RCAN2: variants seen among roughly 807,000 people sequenced by gnomAD.
RCAN2 encodes regulator of calcineurin 2, also known as calcipressin-2.
A neutral mutation model predicts 23.6 loss-of-function variants in RCAN2; 9 were observed. That is an observed-to-expected ratio of 0.38 (90% CI 0.23 to 0.67). RCAN2 has a LOEUF of 0.67. RCAN2 is among the 30% of genes least tolerant of loss of function. The probability of loss-of-function intolerance (pLI) is 0.51; values close to 1 mark genes in which losing one functional copy is unlikely to be tolerated. For missense variants in RCAN2, 273 were observed against 302.3 expected (o/e 0.90, Z 0.72); for synonymous variants, 109 against 115.7 (o/e 0.94, Z 0.37).
intron 2 of RCAN2, among the ~76,000 whole-genome samples, chr6:46,254,322 G>A (rs1290379101): frequency 6.6e-6 from 1 of 152,182 alleles, no homozygotes; most frequent in African/African-American, 2.4e-5. Flanking sequence ...AGGAGGTCTA[G>A]TGAGACCCTT....
chr6:46,235,496 C>T (rs896300174), intron 4 of RCAN2, among the ~76,000 whole-genome samples: 1 of 152,206 alleles, frequency 6.6e-6, no homozygotes, highest in Non-Finnish European at 1.5e-5. Context: ...GGCCTGATCT[C>T]ACACATGCAT....
intron 4 of RCAN2, among the ~76,000 whole-genome samples, chr6:46,231,702 G>A (rs547067268): frequency 1.6e-4 from 24 of 152,224 alleles, no homozygotes; most frequent in South Asian, 6.2e-4. Flanking sequence ...GAGCCACCAC[G>A]CCCGGAGGTT....
chr6:46,241,035 C>CA (rs888127456), intron 4 of RCAN2, among the ~76,000 whole-genome samples: 1 of 152,178 alleles, frequency 6.6e-6, no homozygotes, highest in African/African-American at 2.4e-5. Flanking sequence ...TCGCTCCCTG[C>CA]AGGCATTTTC....
intron 2 of RCAN2, among the ~76,000 whole-genome samples, chr6:46,436,365 A>G (rs1352834012): frequency 1.3e-5 from 2 of 152,122 alleles, no homozygotes; most frequent in Non-Finnish European, 2.9e-5. Flanking sequence ...GGCGCGTGCC[A>G]GCATGCCCGG....
intron 2 of RCAN2, among the ~76,000 whole-genome samples, chr6:46,330,794 G>C (rs1561862026): frequency 2.0e-5 from 3 of 152,116 alleles, no homozygotes; most frequent in Non-Finnish European, 4.4e-5. Context: ...ATGAAGCCAT[G>C]TTATTTGTCT....
At position 46,220,842 on chromosome 6, in the gene RCAN2, A is replaced by G. The variant is rs1765453450; in HGVS notation, c.*2299T>C. 2 of 152,680 alleles carry G rather than the reference A, an allele frequency of 1.3e-5. No homozygotes were observed. The highest frequency in any genetic ancestry group is 1.3e-4 in the Admixed American group (2 of 15,280). 9.5% of individuals were successfully genotyped at this position (152,680 alleles called of 1,614,324 possible). A position where few individuals can be genotyped will look rare whatever the true frequency, so the allele number is the denominator to read the frequency against. On this transcript the variant is annotated 3_prime_UTR_variant, in exon 5 of 5. Coordinates refer to ENST00000371374, the MANE Select transcript of RCAN2 (RefSeq NM_001251974.2). ...CTTCCCCTTCATTGTTAAAGTTTTC[A>G]AACTTAAAATAGTGCTAAAGAGATT...
At chr6:46,236,541 A>T (rs1347964991) in intron 4 of RCAN2, among the ~76,000 whole-genome samples, 7 of 152,108 alleles carry the variant, frequency 4.6e-5, no homozygotes, top group Admixed American at 3.9e-4. Flanking sequence ...GTTATATTCC[A>T]AACCACTGAA....
intron 4 of RCAN2, among the ~76,000 whole-genome samples, chr6:46,224,833 C>A (rs1440158763): frequency 6.6e-6 from 1 of 151,796 alleles, no homozygotes; most frequent in African/African-American, 2.4e-5. Context: ...TACATGTGCA[C>A]AATGTGCAGG....
At chr6:46,432,290 C>A (rs922419453) in intron 2 of RCAN2, among the ~76,000 whole-genome samples, 4 of 151,942 alleles carry the variant, frequency 2.6e-5, no homozygotes, top group Non-Finnish European at 1.5e-5. Flanking sequence ...CTCGGCTCAC[C>A]ACAACCTCTG....
At chr6:46,356,844 A>T (rs1764846549) in intron 2 of RCAN2, among the ~76,000 whole-genome samples, 1 of 152,218 alleles carries the variant, frequency 6.6e-6, no homozygotes, top group Non-Finnish European at 1.5e-5. Flanking sequence ...TCAGATGAAC[A>T]TTATATTATA....
At chr6:46,403,763 A>G (rs1766324048) in intron 2 of RCAN2, among the ~76,000 whole-genome samples, 1 of 152,162 alleles carries the variant, frequency 6.6e-6, no homozygotes, top group Non-Finnish European at 1.5e-5. Context: ...AAATCTCTAC[A>G]CAAAGTGAGT....
intron 2 of RCAN2, among the ~76,000 whole-genome samples, chr6:46,442,257 T>C (rs1732639111): frequency 6.6e-6 from 1 of 152,216 alleles, no homozygotes; most frequent in African/African-American, 2.4e-5. Context: ...AAGAGTTACC[T>C]TTGAATTTAC....
rs367950150 is a variant in RCAN2, at chr6:46,246,064, AG to A, written c.571+683del. On this transcript the variant is annotated intron_variant, in intron 4 of 4. Coordinates refer to ENST00000371374, the MANE Select transcript of RCAN2 (RefSeq NM_001251974.2). ...TTGGACAAGTGCATAGAGATGTACAAGAATGTTAACTGTTACTTTGATTGTA... is the reference window on the plus strand; with the variant it reads ...TTGGACAAGTGCATAGAGATGTACAAAATGTTAACTGTTACTTTGATTGTA... 5.9e-5 allele frequency among the ~76,000 whole-genome samples: 9 copies of A among 152,364 alleles called. No homozygotes were observed. The East Asian group carries it at 1.7e-3, about 29-fold the overall frequency.
At chr6:46,293,771 T>C (rs1762637335) in intron 2 of RCAN2, among the ~76,000 whole-genome samples, 2 of 152,086 alleles carry the variant, frequency 1.3e-5, no homozygotes, top group Non-Finnish European at 2.9e-5. Context: ...AAGGGCTAGA[T>C]AATTTAGGCT....
intron 2 of RCAN2, among the ~76,000 whole-genome samples, chr6:46,437,681 A>G (rs1767413261): frequency 6.6e-6 from 1 of 152,212 alleles, no homozygotes; most frequent in Non-Finnish European, 1.5e-5. Context: ...AAATTCTAAA[A>G]AGTATGCCTT....
At chr6:46,283,933 C>A (rs970231368) in intron 2 of RCAN2, among the ~76,000 whole-genome samples, 1 of 152,086 alleles carries the variant, frequency 6.6e-6, no homozygotes, top group Admixed American at 6.5e-5. Flanking sequence ...TTTAACACTC[C>A]ACAAACCTTT....
At chr6:46,233,852 C>T (rs920710028) in intron 4 of RCAN2, among the ~76,000 whole-genome samples, 13 of 151,710 alleles carry the variant, frequency 8.6e-5, no homozygotes, top group South Asian at 2.1e-4. Context: ...CTCAGCCTCT[C>T]GAGTAGCTGG....
chr6:46,271,594 C>T (rs1767526549), intron 2 of RCAN2, among the ~76,000 whole-genome samples: 1 of 152,174 alleles, frequency 6.6e-6, no homozygotes, highest in Non-Finnish European at 1.5e-5. Context: ...GTACCTAATC[C>T]CACCACATTT....
At chr6:46,224,674 A>G (rs886588764) in intron 4 of RCAN2, among the ~76,000 whole-genome samples, 14 of 152,182 alleles carry the variant, frequency 9.2e-5, no homozygotes, top group Non-Finnish European at 2.1e-4. Context: ...AAGTGCCTCC[A>G]CTGGATGGCT....
Sources: allele counts gnomAD v4.1 joint callset (sites outside exome capture counted in the v4.1 genomes callset), GRCh38; gene constraint gnomAD v4.1.1; transcripts MANE v1.5; gene names NCBI Gene and HGNC (gene_info 2026-07-23, HGNC 2026-07-21).